ARHGEF28: variants seen among roughly 807,000 people sequenced by gnomAD.
ARHGEF28 encodes 190 kDa guanine nucleotide exchange factor.
Under a neutral mutation model 206.6 loss-of-function variants are expected in ARHGEF28, and 152 were observed. That is an observed-to-expected ratio of 0.74 (90% CI 0.64 to 0.84). The LOEUF (loss-of-function observed/expected upper bound fraction) is 0.84. Ranked by LOEUF, ARHGEF28 falls within the 40% of genes least tolerant of loss-of-function variation. ARHGEF28 has a pLI of 0.00. For synonymous variants in ARHGEF28, 763 were observed against 776.4 expected (o/e 0.98, Z 0.29); for missense variants, 2,028 against 2,073.2 (o/e 0.98, Z 0.42).
At chr5:73,722,894 TTA>T (rs1750045412) in intron 2 of ARHGEF28, among the ~76,000 whole-genome samples, 1 of 152,220 alleles carries the variant, frequency 6.6e-6, no homozygotes, top group Non-Finnish European at 1.5e-5. Flanking sequence ...CTGTAGTTTT[TTA>T]TGTTTTAATT....
chr5:73,890,011 A>G (rs1051254019), intron 26 of ARHGEF28, among the ~76,000 whole-genome samples: 2 of 152,260 alleles, frequency 1.3e-5, no homozygotes, highest in South Asian at 2.1e-4. Context: ...TGGCACAAAT[A>G]AAACATCTCT....
intron 22 of ARHGEF28, among the ~76,000 whole-genome samples, chr5:73,877,619 G>T (rs1248344535): frequency 6.7e-6 from 1 of 148,536 alleles, no homozygotes; most frequent in African/African-American, 2.5e-5. Context: ...CTGGTATGTT[G>T]TGTCTTTGTT....
intron 6 of ARHGEF28, 127 bp from the exon 7 acceptor site, chr5:73,780,549 C>A: frequency 1.0e-6 from 1 of 959,602 alleles, no homozygotes; most frequent in South Asian, 1.7e-5. Context: ...GGCTTTCACC[C>A]ACCCTCTATT....
chr5:73,885,563 ACCTCCCAGGCTCAAACTCT>A (rs1213259886), intron 24 of ARHGEF28, among the ~76,000 whole-genome samples: 97 of 147,602 alleles, frequency 6.6e-4, no homozygotes, highest in African/African-American at 2.4e-3. Context: ...TGCAACCTCT[ACCTCCCAGGCTCAAACTCT>A]CCTCCCACCT....
intron 1 of ARHGEF28, among the ~76,000 whole-genome samples, chr5:73,644,422 C>T (rs1472046938): frequency 6.6e-6 from 1 of 152,170 alleles, no homozygotes; most frequent in Non-Finnish European, 1.5e-5. Flanking sequence ...TTGCATCCAC[C>T]TCTGCTCCCC....
chr5:73,686,537 G>C (rs1207750977), intron 2 of ARHGEF28, among the ~76,000 whole-genome samples: 1 of 133,226 alleles, frequency 7.5e-6, no homozygotes, highest in South Asian at 2.3e-4. Flanking sequence ...TTTTTTTTTC[G>C]AGACGGAGTC....
intron 2 of ARHGEF28, among the ~76,000 whole-genome samples, chr5:73,728,086 G>T (rs1208907117): frequency 6.6e-6 from 1 of 152,168 alleles, no homozygotes; most frequent in African/African-American, 2.4e-5. Context: ...CGTCTTGTTA[G>T]TGTTGGTCCT....
At chr5:73,739,175 T>G (rs2036389) in intron 2 of ARHGEF28, among the ~76,000 whole-genome samples, 38,067 of 151,986 alleles carry the variant, frequency 0.25, 5,058 homozygotes, top group Non-Finnish European at 0.3. Context: ...TAATATGTAA[T>G]CTTGATAAAA....
rs780437862 is a variant in ARHGEF28, at chr5:73,846,275, C to G, written c.1435C>G (p.Leu479Val). The G allele has an allele frequency of 6.2e-7, 1 of 1,613,328 alleles. No individual in the cohort carries two copies. The highest frequency in any genetic ancestry group is 1.7e-5 in the Admixed American group (1 of 60,002). The change falls in exon 12 of 36, where the codon CTT becomes GTT. Residue 479 changes from leucine to valine, a missense_variant. Transcript: ENST00000513042. Reference protein sequence around the residue: ...QSHLKKRSSSLDALDADSEGE... With the variant: ...QSHLKKRSSSVDALDADSEGE... ...GCTGGCTTTGTGCTTTAGTTCTAGC[C>G]TTGATGCCTTGGACGCCGACAGTGA...
At chr5:73,663,878 C>G (rs1745777109) in intron 1 of ARHGEF28, among the ~76,000 whole-genome samples, 1 of 152,184 alleles carries the variant, frequency 6.6e-6, no homozygotes, top group African/African-American at 2.4e-5. Context: ...TTGTTCTCAG[C>G]ATATGTAGTT....
chr5:73,876,893 G>T, intron 22 of ARHGEF28, among the ~76,000 whole-genome samples: 1 of 146,406 alleles, frequency 6.8e-6, no homozygotes, highest in Non-Finnish European at 1.5e-5. Flanking sequence ...TTTTTTGGTT[G>T]TGTCTCTGCC....
intron 1 of ARHGEF28, 54 bp from the exon 2 acceptor site, chr5:73,684,787 C>A: frequency 1.3e-6 from 2 of 1,525,972 alleles, no homozygotes; most frequent in South Asian, 2.4e-5. Context: ...CTCTGCTGGT[C>A]GGTTCCATGG....
At chr5:73,703,966 G>T (rs1383700500) in intron 2 of ARHGEF28, among the ~76,000 whole-genome samples, 1 of 151,502 alleles carries the variant, frequency 6.6e-6, no homozygotes, top group African/African-American at 2.4e-5. Context: ...AGAGGTTGCA[G>T]TGAGCCAAGA....
At chr5:73,744,359 A>G (rs1751606141) in intron 2 of ARHGEF28, among the ~76,000 whole-genome samples, 1 of 152,128 alleles carries the variant, frequency 6.6e-6, no homozygotes, top group Non-Finnish European at 1.5e-5. Flanking sequence ...TGGGGCAGAA[A>G]TCAAGAAACC....
intron 22 of ARHGEF28, among the ~76,000 whole-genome samples, chr5:73,880,800 G>A (rs2931412): frequency 0.34 from 51,436 of 151,780 alleles, 9,123 homozygotes; most frequent in Admixed American, 0.44. Flanking sequence ...TGGCGTGGTG[G>A]TATGCACTTG....
At chr5:73,748,394 C>T (rs1038705362) in intron 2 of ARHGEF28, among the ~76,000 whole-genome samples, 5 of 152,042 alleles carry the variant, frequency 3.3e-5, no homozygotes, top group African/African-American at 9.7e-5. Context: ...TCATAATTTC[C>T]GATAACTGTG....
At chr5:73,876,046 C>G (rs1342852703) in intron 22 of ARHGEF28, among the ~76,000 whole-genome samples, 2 of 149,276 alleles carry the variant, frequency 1.3e-5, no homozygotes, top group African/African-American at 2.5e-5. Flanking sequence ...TTCTTCCTAC[C>G]CATGAGCATA....
chr5:73,934,623 A>G (rs766039703), intron 35 of ARHGEF28, among the ~76,000 whole-genome samples: 6 of 152,142 alleles, frequency 3.9e-5, no homozygotes, highest in Non-Finnish European at 8.8e-5. Flanking sequence ...TAGACTTCTA[A>G]TTCTTGAATG....
At chr5:73,697,928 A>T (rs1298490181) in intron 2 of ARHGEF28, among the ~76,000 whole-genome samples, 4 of 152,236 alleles carry the variant, frequency 2.6e-5, no homozygotes, top group African/African-American at 9.6e-5. Flanking sequence ...ATTAATTCAC[A>T]TGACAGATTT....
Sources: allele counts gnomAD v4.1 joint callset (sites outside exome capture counted in the v4.1 genomes callset), GRCh38; gene constraint gnomAD v4.1.1; transcripts MANE v1.5; gene names NCBI Gene and HGNC (gene_info 2026-07-23, HGNC 2026-07-21).